The following DNAH9 variants were observed in gnomAD, a reference collection of about 807,000 sequenced individuals.
DNAH9 encodes dynein axonemal heavy chain 9, also known as DNAH9 variant protein.
Under a neutral mutation model 471.6 loss-of-function variants are expected in DNAH9, and 345 were observed. That is an observed-to-expected ratio of 0.73 (90% confidence interval 0.67 to 0.80). DNAH9 has a LOEUF of 0.80. DNAH9 is among the 30% of genes least tolerant of loss of function. The pLI is 0.00. For synonymous variants in DNAH9, 2,093 were observed against 2,123.6 expected, an observed-to-expected ratio of 0.99 and a Z score of 0.40; for missense variants, 5,407 against 5,609.2, an observed-to-expected ratio of 0.96 and a Z score of 1.15.
chr17:11,925,260 A>T (rs1195444391), intron 62 of DNAH9: 1 of 444,328 alleles, frequency 2.3e-6, no homozygotes. Context: ...ATCCATGAAG[A>T]AATTAAAGAA....
At chr17:11,801,733 G>A (rs2150918454) in intron 43 of DNAH9, among the ~76,000 whole-genome samples, 1 of 152,210 alleles carries the variant, frequency 6.6e-6, no homozygotes, top group South Asian at 2.1e-4. Context: ...GCTCCAGTGA[G>A]TATTCTCTCT....
chr17:11,935,533 G>T (rs867995209), intron 65 of DNAH9, among the ~76,000 whole-genome samples: 10 of 151,488 alleles, frequency 6.6e-5, no homozygotes, highest in Non-Finnish European at 1.3e-4. Context: ...GCGTCACCAC[G>T]CCCAGCTAAT....
chr17:11,755,425 T>TA (rs1257428930), intron 33 of DNAH9, among the ~76,000 whole-genome samples: 1 of 152,214 alleles, frequency 6.6e-6, no homozygotes, highest in Admixed American at 6.5e-5. Context: ...TATGGTCATT[T>TA]AATGAGTTTG....
intron 28 of DNAH9, among the ~76,000 whole-genome samples, chr17:11,735,523 C>G (rs2075332842): frequency 6.6e-6 from 1 of 152,088 alleles, no homozygotes; most frequent in Admixed American, 6.5e-5. Flanking sequence ...GCCACCTCTG[C>G]CTCCCAGGTT....
intron 15 of DNAH9, among the ~76,000 whole-genome samples, chr17:11,667,647 C>A (rs1468475784): frequency 6.6e-6 from 1 of 152,232 alleles, no homozygotes; most frequent in African/African-American, 2.4e-5. Flanking sequence ...GTCTTATGGG[C>A]AGGTTCCTTC....
chr17:11,622,811 A>G (rs374154345), intron 6 of DNAH9, among the ~76,000 whole-genome samples: 29 of 152,246 alleles, frequency 1.9e-4, no homozygotes, highest in African/African-American at 6.5e-4. Context: ...ACAGGTGCAT[A>G]AAAAGCAGTT....
At chr17:11,679,018 A>G (rs1419880717) in intron 17 of DNAH9, among the ~76,000 whole-genome samples, 3 of 152,028 alleles carry the variant, frequency 2.0e-5, no homozygotes, top group Admixed American at 6.5e-5. Flanking sequence ...AATTATAATT[A>G]TATTTTCCAT....
intron 32 of DNAH9, among the ~76,000 whole-genome samples, chr17:11,749,023 T>A (rs1450484713): frequency 2.0e-5 from 3 of 151,812 alleles, no homozygotes; most frequent in African/African-American, 7.3e-5. Flanking sequence ...TTTGCTCTTT[T>A]GTGATTTTAT....
At chr17:11,621,079 C>T (rs1233273165) in intron 6 of DNAH9, among the ~76,000 whole-genome samples, 1 of 152,044 alleles carries the variant, frequency 6.6e-6, no homozygotes, top group Non-Finnish European at 1.5e-5. Context: ...GAAATACAGA[C>T]TTAAACGGAT....
chr17:11,652,398 G>C (rs1418323117), intron 13 of DNAH9, among the ~76,000 whole-genome samples: 1 of 143,292 alleles, frequency 7.0e-6, no homozygotes, highest in Non-Finnish European at 1.5e-5. Context: ...CCATTCTCCT[G>C]CCTCAGCCTC....
chr17:11,606,428 T>A (rs1184548900), intron 1 of DNAH9, among the ~76,000 whole-genome samples: 4 of 140,804 alleles, frequency 2.8e-5, no homozygotes, highest in Admixed American at 1.5e-4. Flanking sequence ...CTGACAACTT[T>A]CTTTCTTTTC....
chr17:11,867,594 C>T (rs1343300516), intron 50 of DNAH9, among the ~76,000 whole-genome samples: 1 of 152,134 alleles, frequency 6.6e-6, no homozygotes, highest in Non-Finnish European at 1.5e-5. Flanking sequence ...TTTGTTGTTA[C>T]CAAAATTCTG....
intron 27 of DNAH9, among the ~76,000 whole-genome samples, chr17:11,727,616 G>T (rs1401584306): frequency 6.6e-6 from 1 of 152,148 alleles, no homozygotes; most frequent in Non-Finnish European, 1.5e-5. Context: ...GTCTTGAAAA[G>T]GTTCTGTTTA....
intron 50 of DNAH9, among the ~76,000 whole-genome samples, chr17:11,867,423 T>C (rs930834225): frequency 1.3e-5 from 2 of 152,220 alleles, no homozygotes; most frequent in Non-Finnish European, 1.5e-5. Context: ...CCCTTGATTT[T>C]GTTATATTTT....
chr17:11,669,554 A>G lies in DNAH9; in HGVS notation c.3113A>G (p.Glu1038Gly), dbSNP rs747381768. The change falls in exon 17 of 69, where the codon GAA becomes GGA. Residue 1038 changes from glutamate to glycine, a missense_variant. This residue lies in a region of DNAH9 where 4,636 missense variants were observed against 4,900.3 expected (regional missense o/e 0.95). Coordinates refer to ENST00000262442, the MANE Select transcript of DNAH9 (RefSeq NM_001372.4). Reference protein sequence around the residue: ...FLLYGHILTPEEIEDHVEDGI... With the variant: ...FLLYGHILTPGEIEDHVEDGI... ...CTGTACGGGCACATCCTCACTCCGG[A>G]AGAAATTGAAGACCATGTGGAAGAT... The G allele has an allele frequency of 1.6e-5, 26 of 1,614,016 alleles. No homozygotes were observed. The highest frequency in any genetic ancestry group is 1.9e-5 in the Non-Finnish European group (23 of 1,180,030).
At chr17:11,679,583 G>A (rs895401355) in intron 17 of DNAH9, among the ~76,000 whole-genome samples, 174 bp from the exon 18 acceptor site, 2 of 152,194 alleles carry the variant, frequency 1.3e-5, no homozygotes, top group African/African-American at 4.8e-5. Context: ...AACACCTTGT[G>A]CAAGAGGCCA....
At chr17:11,865,510 T>C (rs1972014216) in intron 50 of DNAH9, among the ~76,000 whole-genome samples, 1 of 152,172 alleles carries the variant, frequency 6.6e-6, no homozygotes, top group Non-Finnish European at 1.5e-5. Flanking sequence ...GGAGCTGCTC[T>C]TCTCGAGGCG....
At chr17:11,648,085 A>G (rs961395112) in intron 12 of DNAH9, among the ~76,000 whole-genome samples, 2 of 152,212 alleles carry the variant, frequency 1.3e-5, no homozygotes, top group Admixed American at 1.3e-4. Context: ...ATGATAACTA[A>G]AGGTTAGTTG....
chr17:11,635,346 T>A (rs1455881820), intron 8 of DNAH9, among the ~76,000 whole-genome samples: 6 of 124,958 alleles, frequency 4.8e-5, no homozygotes, highest in African/African-American at 1.7e-4. Context: ...TTTTTTTTTT[T>A]TTTTTTTTTT....
Sources: allele counts gnomAD v4.1 joint callset (sites outside exome capture counted in the v4.1 genomes callset), GRCh38; gene constraint gnomAD v4.1.1; regional missense constraint gnomAD v4.1.1; transcripts MANE v1.5; gene names NCBI Gene and HGNC (gene_info 2026-07-23, HGNC 2026-07-21).